VAX2: variants seen among roughly 807,000 people sequenced by gnomAD.
The protein encoded by VAX2 is ventral anterior homeobox 2.
VAX2 carries 8 observed loss-of-function variants against 12.5 expected under a neutral mutation model. That is an observed-to-expected ratio of 0.64 (90% CI 0.37 to 1.15). The LOEUF is 1.15. VAX2 is among the 50% of genes most tolerant of loss of function. The pLI is 0.01. For missense variants in VAX2, 476 were observed against 412.9 expected, an observed-to-expected ratio of 1.15 and a Z score of -1.32; for synonymous variants, 183 against 187.6, an observed-to-expected ratio of 0.98 and a Z score of 0.20.
chr2:70,901,289 C>A (rs533398090), intron 1 of VAX2, among the ~76,000 whole-genome samples: 1 of 152,250 alleles, frequency 6.6e-6, no homozygotes, highest in African/African-American at 2.4e-5. Flanking sequence ...GGAAAAGGCC[C>A]CGGCTCTGCA....
intron 2 of VAX2, among the ~76,000 whole-genome samples, chr2:70,926,031 A>G (rs1285798680): frequency 6.6e-6 from 1 of 151,716 alleles, no homozygotes; most frequent in Non-Finnish European, 1.5e-5. Context: ...GAGAAAACAC[A>G]GAGCTTGCTC....
chr2:70,926,360 A>G (rs553336825), intron 2 of VAX2, among the ~76,000 whole-genome samples: 18 of 152,280 alleles, frequency 1.2e-4, no homozygotes, highest in African/African-American at 4.3e-4. Flanking sequence ...CTATCAAAAG[A>G]ACCCTCTGCC....
At chr2:70,921,788 C>T (rs1273470049) in intron 2 of VAX2, among the ~76,000 whole-genome samples, 2 of 152,088 alleles carry the variant, frequency 1.3e-5, no homozygotes, top group African/African-American at 2.4e-5. Flanking sequence ...AAGGAGGGGT[C>T]TGCACACCCC....
intron 1 of VAX2, among the ~76,000 whole-genome samples, chr2:70,903,416 A>G (rs1553410039): frequency 6.6e-6 from 1 of 152,152 alleles, no homozygotes; most frequent in East Asian, 1.9e-4. Flanking sequence ...ACCTAAGGGC[A>G]TACCACAGGG....
intron 1 of VAX2, among the ~76,000 whole-genome samples, chr2:70,905,867 G>A (rs1284244556): frequency 6.6e-6 from 1 of 152,214 alleles, no homozygotes; most frequent in African/African-American, 2.4e-5. Context: ...CTTTTGCGCA[G>A]CACCGGTAAG....
At chr2:70,907,677 A>G (rs1553410761) in intron 1 of VAX2, among the ~76,000 whole-genome samples, 1 of 152,242 alleles carries the variant, frequency 6.6e-6, no homozygotes, top group Non-Finnish European at 1.5e-5. Flanking sequence ...GGCCACACTT[A>G]CAATGTAGAC....
chr2:70,904,609 G>C lies in VAX2; in HGVS notation c.247+3741G>C, dbSNP rs530987613. On this transcript the variant is annotated intron_variant, in intron 1 of 2. Coordinates refer to ENST00000234392, the MANE Select transcript of VAX2 (RefSeq NM_012476.3). This position sits in a 1 kb window ranked among gnomAD's most constrained non-coding sequence, Gnocchi z 4.2. The stretch of plus-strand genomic sequence containing the variant: ...CCCTGCGGGTCCTCAAACCCCACTC[G>C]AAACCCTCCGAACCCCTGTGTCTGG... Among the ~76,000 whole-genome samples, 9 of 152,264 alleles carry C rather than the reference G, an allele frequency of 5.9e-5. No individual in the cohort carries two copies. Among genetic ancestry groups the C allele is most frequent in the African/African-American group, 2.2e-4 (9 of 41,550 alleles).
chr2:70,912,823 C>T (rs1016404638), intron 1 of VAX2, among the ~76,000 whole-genome samples: 3 of 152,018 alleles, frequency 2.0e-5, no homozygotes, highest in South Asian at 2.1e-4. Flanking sequence ...ACTATCAGGC[C>T]GGGGGTCACC....
chr2:70,907,379 G>A (rs1553410726), intron 1 of VAX2, among the ~76,000 whole-genome samples: 1 of 152,232 alleles, frequency 6.6e-6, no homozygotes, highest in African/African-American at 2.4e-5. Context: ...GGCGGCAGCC[G>A]GGTGTGAGGT....
At chr2:70,910,575 A>T (rs1679159762) in intron 1 of VAX2, among the ~76,000 whole-genome samples, 1 of 152,074 alleles carries the variant, frequency 6.6e-6, no homozygotes, top group African/African-American at 2.4e-5. Context: ...TCATTTTATT[A>T]GTAGTTTAAA....
In VAX2 at chr2:70,917,251, G is replaced by A. The variant is rs553743357; in HGVS notation, c.248-3847G>A. 1.1e-3 allele frequency among the ~76,000 whole-genome samples: 161 copies of A among 151,970 alleles called. 2 individuals are homozygous for A. The highest frequency in any genetic ancestry group is 3.7e-3 in the African/African-American group (153 of 41,374). On this transcript the variant is annotated intron_variant, in intron 1 of 2. Coordinates refer to ENST00000234392, the MANE Select transcript of VAX2 (RefSeq NM_012476.3). ...ACATGAGAATCGTTTGAACCTGGGA[G>A]GTGGAGGTTGCAGTGAGCTAAGATT... is the stretch of plus-strand genomic sequence containing the variant.
At chr2:70,913,844 A>T (rs1340591594) in intron 1 of VAX2, among the ~76,000 whole-genome samples, 2 of 152,208 alleles carry the variant, frequency 1.3e-5, no homozygotes, top group African/African-American at 4.8e-5. Flanking sequence ...AGGGCTTATT[A>T]AATACATGTT....
In VAX2 at chr2:70,932,924, CT is replaced by C; in HGVS notation, c.594del (p.Ser199AlafsTer5). ...QGRLLSVPRA[P>X]SLLALTPSLP... is the part of the protein sequence containing the mutation. ...CGGCTGCTCTCTGTGCCCAGGGCCC[CT>C]AGCCTCCTGGCGCTGACCCCTAGCC... On this transcript the variant is annotated frameshift_variant, in exon 3 of 3. Coordinates refer to ENST00000234392, the MANE Select transcript of VAX2 (RefSeq NM_012476.3). LOFTEE classifies it low-confidence loss of function (END_TRUNC). 1 of 1,613,212 alleles carries C rather than the reference CT, an allele frequency of 6.2e-7. No homozygotes were observed. The highest frequency in any genetic ancestry group is 8.5e-7 in the Non-Finnish European group (1 of 1,179,888).
chr2:70,913,793 A>C (rs1679248622), intron 1 of VAX2, among the ~76,000 whole-genome samples: 1 of 152,160 alleles, frequency 6.6e-6, no homozygotes, highest in African/African-American at 2.4e-5. Context: ...TCTTTTGCTC[A>C]TTTCTGTATC....
chr2:70,926,776 TC>T (rs1679583753), intron 2 of VAX2, among the ~76,000 whole-genome samples: 2 of 152,272 alleles, frequency 1.3e-5, no homozygotes, highest in South Asian at 4.2e-4. Context: ...AAAGACTTCA[TC>T]AACTGCCAGC....
intron 1 of VAX2, among the ~76,000 whole-genome samples, chr2:70,917,249 G>A (rs538216324): frequency 1.3e-5 from 2 of 150,942 alleles, no homozygotes; most frequent in East Asian, 3.9e-4. Context: ...TTGAACCTGG[G>A]AGGTGGAGGT....
rs149973402 is a variant in VAX2, at chr2:70,933,073, G to C, written c.742G>C (p.Val248Leu). The change falls in exon 3 of 3, where the codon GTC becomes CTC. Residue 248 changes from valine to leucine, a missense_variant. Val to Leu is a conservative substitution (Grantham distance 32). Coordinates refer to ENST00000234392, the MANE Select transcript of VAX2 (RefSeq NM_012476.3). The stretch of plus-strand genomic sequence containing the variant: ...CCCACTGCCGCCCCCTCTGCCAGCT[G>C]TCTGCTTTTCCTCGGCCCCGCTCCT... ...SPPLPPPLPA[V>L]CFSSAPLLDL... The C allele has an allele frequency of 1.6e-4, 258 of 1,609,062 alleles. No homozygotes were observed. In the African/African-American group the frequency reaches 2.2e-3, roughly 13 times the overall value.
intron 1 of VAX2, among the ~76,000 whole-genome samples, chr2:70,903,861 T>C (rs1553410120): frequency 6.6e-6 from 1 of 152,090 alleles, no homozygotes; most frequent in East Asian, 1.9e-4. Flanking sequence ...AAGCCACTAA[T>C]GGTAAAGGAA....
Position 70,900,607 on chromosome 2 carries a change from G to A in VAX2, c.-15G>A, listed in dbSNP as rs1678893538. 3 of 1,258,638 alleles carry A rather than the reference G, an allele frequency of 2.4e-6. No homozygotes were observed. Among genetic ancestry groups the A allele is most frequent in the Non-Finnish European group, 2.0e-6 (2 of 1,002,092 alleles). 78.0% of individuals were successfully genotyped at this position (1,258,638 alleles called of 1,614,324 possible). On this transcript the variant is annotated 5_prime_UTR_variant, in exon 1 of 3. Coordinates refer to ENST00000234392, the MANE Select transcript of VAX2 (RefSeq NM_012476.3). ...GGCTGGCTCCGCCGTAGAGGGGTTGGCAGTGGCGGTCAGCATGGGCGATGG... is the reference window on the plus strand; with the variant it reads ...GGCTGGCTCCGCCGTAGAGGGGTTGACAGTGGCGGTCAGCATGGGCGATGG...
Sources: allele counts gnomAD v4.1 joint callset (sites outside exome capture counted in the v4.1 genomes callset), GRCh38; gene constraint gnomAD v4.1.1; non-coding constraint Gnocchi (gnomAD v3.1); transcripts MANE v1.5; gene names NCBI Gene and HGNC (gene_info 2026-07-23, HGNC 2026-07-21).